Variants in CHRM3 observed in about 807,000 individuals in gnomAD.
CHRM3 encodes cholinergic receptor muscarinic 3.
A neutral mutation model predicts 41.8 loss-of-function variants in CHRM3; 11 were observed. The ratio of observed to expected loss-of-function variants is 0.26; its 90% confidence interval spans 0.17 to 0.44. CHRM3 has a LOEUF of 0.44. Among genes scored for constraint, CHRM3 ranks in the 20% least tolerant of loss-of-function variants. CHRM3 has a pLI of 1.00. For missense variants in CHRM3, 571 were observed against 745.4 expected (o/e 0.77, Z 2.72); for synonymous variants, 297 against 301.4 (o/e 0.99, Z 0.15).
At chr1:239,618,564 G>T (rs1047053162) in intron 3 of CHRM3, among the ~76,000 whole-genome samples, 1 of 151,760 alleles carries the variant, frequency 6.6e-6, no homozygotes, top group African/African-American at 2.4e-5. Context: ...AGTCAAGATG[G>T]CCGGGCGCGG....
chr1:239,856,660 C>T (rs187981121), intron 6 of CHRM3, among the ~76,000 whole-genome samples: 23 of 152,082 alleles, frequency 1.5e-4, no homozygotes, highest in African/African-American at 5.3e-4. Context: ...ACCAGGAAGA[C>T]AATTAAAAGC....
intron 5 of CHRM3, among the ~76,000 whole-genome samples, chr1:239,743,622 C>T (rs1464039509): frequency 1.3e-5 from 2 of 152,006 alleles, no homozygotes; most frequent in Non-Finnish European, 2.9e-5. Context: ...GGAGCTTGTG[C>T]CATATGTCTG....
chr1:239,547,185 T>A (rs1163286325), intron 3 of CHRM3, among the ~76,000 whole-genome samples: 2 of 152,214 alleles, frequency 1.3e-5, no homozygotes, highest in Non-Finnish European at 2.9e-5. Flanking sequence ...ACATATTCAC[T>A]GGCTAATATT....
intron 1 of CHRM3, among the ~76,000 whole-genome samples, chr1:239,467,212 T>C (rs1330125548): frequency 6.6e-6 from 1 of 152,218 alleles, no homozygotes; most frequent in South Asian, 2.1e-4. Context: ...GTGCTTGTTT[T>C]TCCTTTAAAA....
At chr1:239,803,545 C>T (rs1670380324) in intron 5 of CHRM3, among the ~76,000 whole-genome samples, 2 of 152,074 alleles carry the variant, frequency 1.3e-5, no homozygotes, top group South Asian at 4.1e-4. Context: ...AATATTTTCC[C>T]TTTTATGAGA....
chr1:239,681,667 G>A (rs1658578317), intron 5 of CHRM3, among the ~76,000 whole-genome samples: 1 of 152,180 alleles, frequency 6.6e-6, no homozygotes, highest in African/African-American at 2.4e-5. Context: ...GCCAAGGTGG[G>A]AGATTCAGTT....
At chr1:239,433,315 C>G (rs1448763812) in intron 1 of CHRM3, among the ~76,000 whole-genome samples, 1 of 152,170 alleles carries the variant, frequency 6.6e-6, no homozygotes, top group Non-Finnish European at 1.5e-5. Flanking sequence ...GGAAAACTCC[C>G]ATGGAGCCTA....
chr1:239,519,380 A>G (rs991668982), intron 2 of CHRM3, among the ~76,000 whole-genome samples: 1 of 152,230 alleles, frequency 6.6e-6, no homozygotes, highest in African/African-American at 2.4e-5. Flanking sequence ...TATGAGACGT[A>G]CCAAATATAG....
chr1:239,756,721 C>T (rs1055280098), intron 5 of CHRM3, among the ~76,000 whole-genome samples: 4 of 152,140 alleles, frequency 2.6e-5, no homozygotes, highest in East Asian at 1.9e-4. Context: ...ATAGAACCAT[C>T]GAGTTCTATA....
At chr1:239,647,742 A>G (rs1671865707) in intron 4 of CHRM3, among the ~76,000 whole-genome samples, 1 of 152,112 alleles carries the variant, frequency 6.6e-6, no homozygotes, top group Admixed American at 6.6e-5. Flanking sequence ...CCACTTTTCC[A>G]TATCTCTACC....
At chr1:239,879,498 A>G (rs1677407020) in intron 6 of CHRM3, among the ~76,000 whole-genome samples, 1 of 152,170 alleles carries the variant, frequency 6.6e-6, no homozygotes, top group African/African-American at 2.4e-5. Context: ...AAACATCCAT[A>G]AATCTGTCAG....
intron 2 of CHRM3, among the ~76,000 whole-genome samples, chr1:239,494,320 C>A (rs1667743841): frequency 6.6e-6 from 1 of 152,110 alleles, no homozygotes; most frequent in African/African-American, 2.4e-5. Context: ...TTCTTCACTT[C>A]ATTGCCTAGG....
rs868310543 is a variant in CHRM3 at position 239,580,704 on chromosome 1, T to C, written c.-313+34955T>C. Among the ~76,000 whole-genome samples, 1,122 of 131,074 alleles carry C rather than the reference T, an allele frequency of 8.6e-3. 32 individuals are homozygous for C. The highest frequency in any genetic ancestry group is 0.029 in the African/African-American group (1,003 of 34,992). The allele number at this position is 131,074 out of a possible 152,430, so 86.0% of individuals were successfully genotyped here. A position where few individuals can be genotyped will look rare whatever the true frequency, so the allele number is the denominator to read the frequency against. On this transcript the variant is annotated intron_variant, in intron 3 of 6. Transcript: ENST00000676153. ...TTGCCCAATTTTATATATATATATA[T>C]ACACACACACACACACACACACACA...
chr1:239,890,263 G>A (rs1008827555), intron 6 of CHRM3, among the ~76,000 whole-genome samples: 1 of 151,896 alleles, frequency 6.6e-6, no homozygotes, highest in African/African-American at 2.4e-5. Flanking sequence ...AGGAGGTGAG[G>A]TTGCGGAGAG....
chr1:239,625,042 C>T (rs1668882919), intron 3 of CHRM3, among the ~76,000 whole-genome samples: 1 of 56,238 alleles, frequency 1.8e-5, no homozygotes, highest in South Asian at 8.2e-4. Flanking sequence ...TGAAGAAAGT[C>T]ATTGGTAGCT....
At position 239,640,356 on chromosome 1, in the gene CHRM3, T is replaced by G. The variant is rs760806829; in HGVS notation, c.-250+8070T>G. On this transcript the variant is annotated intron_variant, in intron 4 of 6. Coordinates refer to ENST00000676153, the MANE Select transcript of CHRM3 (RefSeq NM_001375978.1). Reference sequence around the variant, plus strand: ...GAAGGAATGGTACCAGTTCCTCCTTTTACCTCTAGTAGAATTCGGCTGTGA... The same window carrying G: ...GAAGGAATGGTACCAGTTCCTCCTTGTACCTCTAGTAGAATTCGGCTGTGA... Among the ~76,000 whole-genome samples the G allele has an allele frequency of 2.0e-3, 302 of 152,250 alleles. 1 individual carries two copies. The highest frequency in any genetic ancestry group is 0.017 in the Middle Eastern group (5 of 294).
chr1:239,739,131 T>A (rs183999910), intron 5 of CHRM3, among the ~76,000 whole-genome samples: 3 of 152,080 alleles, frequency 2.0e-5, no homozygotes, highest in African/African-American at 7.2e-5. Flanking sequence ...TTGTAGCAAA[T>A]AGGTGCCCAG....
At chr1:239,804,429 A>G (rs1489610663) in intron 5 of CHRM3, among the ~76,000 whole-genome samples, 1 of 151,822 alleles carries the variant, frequency 6.6e-6, no homozygotes, top group Non-Finnish European at 1.5e-5. Context: ...TTTGTTTGAC[A>G]TTTTCTCTTG....
intron 2 of CHRM3, among the ~76,000 whole-genome samples, chr1:239,545,104 TTTC>T (rs1659166583): frequency 6.6e-6 from 1 of 152,338 alleles, no homozygotes; most frequent in East Asian, 1.9e-4. Context: ...TAAGTTTGGT[TTTC>T]TTATTGATAA....
Sources: allele counts gnomAD v4.1 joint callset (sites outside exome capture counted in the v4.1 genomes callset), GRCh38; gene constraint gnomAD v4.1.1; transcripts MANE v1.5; gene names NCBI Gene and HGNC (gene_info 2026-07-23, HGNC 2026-07-21).